Variants in ERC1 observed in about 807,000 individuals in gnomAD.
The protein encoded by ERC1 is RAB6 interacting protein 2.
ERC1 carries 56 observed loss-of-function variants against 132.0 expected under a neutral mutation model. That is an observed-to-expected ratio of 0.42 (90% CI 0.34 to 0.53). ERC1 has a LOEUF of 0.53. Among genes scored for constraint, ERC1 ranks in the 20% least tolerant of loss-of-function variants. The pLI, the probability that ERC1 is intolerant of heterozygous loss-of-function variation, is 0.03. For missense variants in ERC1, 1,202 were observed against 1,349.9 expected, an observed-to-expected ratio of 0.89 and a Z score of 1.72; for synonymous variants, 478 against 476.1, an observed-to-expected ratio of 1.00 and a Z score of -0.05.
intron 12 of ERC1, among the ~76,000 whole-genome samples, chr12:1,206,029 A>T (rs1957324743): frequency 6.6e-6 from 1 of 152,118 alleles, no homozygotes; most frequent in African/African-American, 2.4e-5. Flanking sequence ...ATTTTAGTTA[A>T]CTTTTACCCA....
At chr12:1,199,495 G>A (rs753017424) in intron 12 of ERC1, among the ~76,000 whole-genome samples, 2 of 152,170 alleles carry the variant, frequency 1.3e-5, no homozygotes, top group Non-Finnish European at 2.9e-5. Flanking sequence ...TTATGGCCAG[G>A]CACGGTGGTT....
At chr12:1,151,331 G>C (rs768364324) in intron 8 of ERC1, among the ~76,000 whole-genome samples, 6 of 152,208 alleles carry the variant, frequency 3.9e-5, no homozygotes, top group Non-Finnish European at 7.3e-5. Context: ...AGGCTACAAA[G>C]TAGTCAACCT....
Position 1,027,736 on chromosome 12 carries a change from T to C in ERC1, c.-156-12T>C. ...TTATTGGAGGATTTAATGTGTGATCTTTTCATTACAGATATGGTGTAAGAT... is the reference window on the plus strand; with the variant it reads ...TTATTGGAGGATTTAATGTGTGATCCTTTCATTACAGATATGGTGTAAGAT... On this transcript the variant is annotated splice_polypyrimidine_tract_variant and intron_variant, in intron 1 of 18. Transcript: ENST00000360905. 1 of 595,324 alleles carries C rather than the reference T, an allele frequency of 1.7e-6. No individual in the cohort carries two copies. The highest frequency in any genetic ancestry group is 2.3e-5 in the South Asian group (1 of 43,854). The allele number at this position is 595,324 out of a possible 1,614,324, so 36.9% of individuals were successfully genotyped here.
At chr12:1,397,769 C>T (rs910871506) in intron 16 of ERC1, among the ~76,000 whole-genome samples, 1 of 151,994 alleles carries the variant, frequency 6.6e-6, no homozygotes, top group African/African-American at 2.4e-5. Context: ...ATAGTTTTGA[C>T]TCTAGAATCA....
intron 17 of ERC1, 188 bp from the exon 18 acceptor site, chr12:1,444,374 G>C (rs1196543928): frequency 2.0e-6 from 1 of 502,420 alleles, no homozygotes; most frequent in Admixed American, 3.7e-5. Flanking sequence ...GCGTGTGACA[G>C]CGTAAATGTG....
chr12:1,431,833 C>T (rs1278793498), intron 17 of ERC1, among the ~76,000 whole-genome samples: 3 of 152,124 alleles, frequency 2.0e-5, no homozygotes, highest in African/African-American at 7.2e-5. Context: ...TGAGATTGGT[C>T]TGTTATGGAA....
intron 17 of ERC1, among the ~76,000 whole-genome samples, chr12:1,416,510 T>G (rs1449234899): frequency 6.6e-6 from 1 of 152,236 alleles, no homozygotes; most frequent in Non-Finnish European, 1.5e-5. Flanking sequence ...TGTTTTAATA[T>G]TGGACACCCA....
At chr12:1,447,791 A>G (rs928492733) in intron 18 of ERC1, among the ~76,000 whole-genome samples, 1 of 151,916 alleles carries the variant, frequency 6.6e-6, no homozygotes, top group African/African-American at 2.4e-5. Flanking sequence ...TTGGAACTAC[A>G]GGCGCGCGCC....
chr12:1,054,397 A>C (rs547109810), intron 2 of ERC1, among the ~76,000 whole-genome samples: 8 of 152,152 alleles, frequency 5.3e-5, no homozygotes, highest in Admixed American at 2.0e-4. Flanking sequence ...TTTTGTTTTA[A>C]CATACTTACA....
intron 14 of ERC1, among the ~76,000 whole-genome samples, chr12:1,275,127 A>C (rs2078174135): frequency 6.6e-6 from 1 of 152,204 alleles, no homozygotes; most frequent in South Asian, 2.1e-4. Flanking sequence ...GTTTTATCTC[A>C]ACCACAGTGG....
At chr12:1,075,594 G>A (rs998987492) in intron 2 of ERC1, among the ~76,000 whole-genome samples, 1 of 152,170 alleles carries the variant, frequency 6.6e-6, no homozygotes, top group African/African-American at 2.4e-5. Flanking sequence ...TGGAGGCAGA[G>A]GCAGGAGAAT....
At chr12:1,216,687 C>T (rs1282022578) in intron 12 of ERC1, among the ~76,000 whole-genome samples, 1 of 151,810 alleles carries the variant, frequency 6.6e-6, no homozygotes, top group South Asian at 2.1e-4. Flanking sequence ...AAGAGTGAAA[C>T]AAGTTAATAG....
chr12:1,084,734 C>A (rs1223309250), intron 3 of ERC1, among the ~76,000 whole-genome samples: 1 of 151,824 alleles, frequency 6.6e-6, no homozygotes, highest in Non-Finnish European at 1.5e-5. Context: ...CTCTGTCACT[C>A]AGGCTGGAGT....
chr12:1,424,852 A>AGATACATAGATC (rs1565411324), intron 17 of ERC1, among the ~76,000 whole-genome samples: 4 of 122,872 alleles, frequency 3.3e-5, no homozygotes, highest in Non-Finnish European at 4.9e-5. Flanking sequence ...GATGATAGAT[A>AGATACATAGATC]GATAGATAGA....
rs577232129 is a variant in ERC1 at position 1,170,602 on chromosome 12, A to AT, written c.1738-9932dup. Among the ~76,000 whole-genome samples the AT allele has an allele frequency of 4.2e-3, 640 of 152,272 alleles. 5 individuals are homozygous for AT. Among genetic ancestry groups the AT allele is most frequent in the Non-Finnish European group, 7.8e-3 (528 of 68,004 alleles). On this transcript the variant is annotated intron_variant, in intron 8 of 18. Coordinates refer to ENST00000360905, the MANE Select transcript of ERC1 (RefSeq NM_178040.4). The stretch of plus-strand genomic sequence containing the variant: ...AATTTTAGCACAGGGAGGTCTGTCA[A>AT]TTTTTTATATATGCTGACTAGATAG...
chr12:1,059,232 T>G (rs1973570707), intron 2 of ERC1, among the ~76,000 whole-genome samples: 1 of 152,204 alleles, frequency 6.6e-6, no homozygotes, highest in Non-Finnish European at 1.5e-5. Context: ...AAGATTGTTT[T>G]GATGGAGTCT....
chr12:1,108,107 C>A (rs1945456817), intron 4 of ERC1, among the ~76,000 whole-genome samples: 1 of 152,168 alleles, frequency 6.6e-6, no homozygotes, highest in African/African-American at 2.4e-5. Flanking sequence ...TTGAGAGTAT[C>A]AGGCCTTAAT....
At chr12:1,208,957 A>ATTTTTTTTTTTTTTTTTTTTTTTTT (rs538961813) in intron 12 of ERC1, among the ~76,000 whole-genome samples, 1 of 71,610 alleles carries the variant, frequency 1.4e-5, no homozygotes, top group African/African-American at 6.3e-5. Context: ...CGCCCAGCTG[A>ATTTTTTTTTTTTTTTTTTTTTTTTT]TTTTTTTTTT....
At chr12:1,248,564 G>A (rs1594529434) in intron 13 of ERC1, among the ~76,000 whole-genome samples, 5 of 152,150 alleles carry the variant, frequency 3.3e-5, no homozygotes, top group Admixed American at 3.3e-4. Flanking sequence ...TAGAGAATAG[G>A]TAAGGGTCAG....
Sources: allele counts gnomAD v4.1 joint callset (sites outside exome capture counted in the v4.1 genomes callset), GRCh38; gene constraint gnomAD v4.1.1; transcripts MANE v1.5; gene names NCBI Gene and HGNC (gene_info 2026-07-23, HGNC 2026-07-21).